Variants in NEGR1 observed in about 807,000 individuals in gnomAD.
NEGR1 encodes neuronal growth regulator 1.
In NEGR1, 10 loss-of-function variants were observed where a neutral mutation model predicts 40.9. The observed-to-expected ratio is 0.24, with a 90% CI of 0.15 to 0.42. NEGR1 has a LOEUF of 0.42. Among genes scored for constraint, NEGR1 ranks in the 10% least tolerant of loss-of-function variants. The pLI, the probability that NEGR1 is intolerant of heterozygous loss-of-function variation, is 1.00. For missense variants in NEGR1, 352 were observed against 438.9 expected (o/e 0.80, Z 1.77); for synonymous variants, 185 against 166.8 (o/e 1.11, Z -0.84).
intron 1 of NEGR1, among the ~76,000 whole-genome samples, chr1:71,950,124 C>T (rs1245663840): frequency 6.6e-6 from 1 of 151,922 alleles, no homozygotes; most frequent in Non-Finnish European, 1.5e-5. Context: ...GGGTTTTTTA[C>T]ATTTTTATTT....
chr1:72,275,471 T>C (rs1047113080), intron 1 of NEGR1, among the ~76,000 whole-genome samples: 1 of 151,948 alleles, frequency 6.6e-6, no homozygotes, highest in African/African-American at 2.4e-5. Flanking sequence ...AATAGGATAC[T>C]CCTAGGGAAA....
intron 6 of NEGR1, among the ~76,000 whole-genome samples, chr1:71,575,386 G>C (rs1022428891): frequency 9.8e-5 from 15 of 152,316 alleles, no homozygotes; most frequent in Admixed American, 8.5e-4. Flanking sequence ...ACCAACCACA[G>C]CAGTTCAGAT....
chr1:71,777,747 C>A (rs1054730927), intron 2 of NEGR1, among the ~76,000 whole-genome samples: 1 of 151,860 alleles, frequency 6.6e-6, no homozygotes, highest in Non-Finnish European at 1.5e-5. Context: ...CAAAACTCAG[C>A]CTCAAGAAAA....
chr1:72,161,872 A>T (rs968181204), intron 1 of NEGR1, among the ~76,000 whole-genome samples: 3 of 150,820 alleles, frequency 2.0e-5, no homozygotes, highest in African/African-American at 4.9e-5. Flanking sequence ...TTGTATTTTA[A>T]TGGAGATGGG....
At chr1:71,767,425 A>T (rs1656170491) in intron 3 of NEGR1, among the ~76,000 whole-genome samples, 1 of 152,134 alleles carries the variant, frequency 6.6e-6, no homozygotes, top group Non-Finnish European at 1.5e-5. Flanking sequence ...GAGAATGATG[A>T]TTTAGGGTAT....
intron 6 of NEGR1, among the ~76,000 whole-genome samples, chr1:71,535,222 C>A (rs72938087): frequency 0.04 from 6,120 of 151,586 alleles, 410 homozygotes; most frequent in African/African-American, 0.14. Flanking sequence ...TTCTATGTTC[C>A]GTAACTTGGA....
At chr1:71,483,930 A>T (rs946730086) in intron 6 of NEGR1, among the ~76,000 whole-genome samples, 4 of 151,738 alleles carry the variant, frequency 2.6e-5, no homozygotes, top group Non-Finnish European at 4.4e-5. Context: ...TTTCACCTAG[A>T]TTCCTATTCC....
chr1:72,143,930 T>TATATATAAAA (rs1553145053), intron 1 of NEGR1, among the ~76,000 whole-genome samples: 11 of 140,506 alleles, frequency 7.8e-5, no homozygotes, highest in South Asian at 2.2e-4. Context: ...TATATATATA[T>TATATATAAAA]ATATATATAT....
chr1:71,944,712 G>A (rs537001277), intron 1 of NEGR1, among the ~76,000 whole-genome samples: 33 of 152,158 alleles, frequency 2.2e-4, no homozygotes, highest in African/African-American at 7.5e-4. Flanking sequence ...CAACCCATCT[G>A]CTTATGTTGA....
Position 71,886,356 on chromosome 1 carries a change from A to G in NEGR1, c.409+48723T>C, listed in dbSNP as rs550643826. 1.2e-4 allele frequency among the ~76,000 whole-genome samples: 19 copies of G among 152,172 alleles called. No homozygotes were observed. The South Asian group carries it at 3.5e-3, about 28-fold the overall frequency. ...AAAGTTTCTATTGCATTCTTCTTCC[A>G]TAGTTTTAACCTAGGTATTCCATGA... On this transcript the variant is annotated intron_variant, in intron 2 of 6. Coordinates refer to ENST00000357731, the MANE Select transcript of NEGR1 (RefSeq NM_173808.3).
At chr1:71,697,426 G>C (rs1653514041) in intron 4 of NEGR1, among the ~76,000 whole-genome samples, 1 of 151,812 alleles carries the variant, frequency 6.6e-6, no homozygotes, top group South Asian at 2.1e-4. Flanking sequence ...TGTGGTGGGA[G>C]CATTGAGGAA....
intron 1 of NEGR1, among the ~76,000 whole-genome samples, chr1:72,092,285 C>A (rs928621681): frequency 1.3e-5 from 2 of 152,156 alleles, no homozygotes; most frequent in South Asian, 4.2e-4. Flanking sequence ...CAATCCTTGG[C>A]AAAGTTTAAT....
chr1:71,877,633 G>A (rs1262353268), intron 2 of NEGR1, among the ~76,000 whole-genome samples: 2 of 152,088 alleles, frequency 1.3e-5, no homozygotes, highest in Non-Finnish European at 2.9e-5. Context: ...GGACTTTAAC[G>A]TATGAATTTT....
At chr1:71,803,137 A>G (rs1657621183) in intron 2 of NEGR1, among the ~76,000 whole-genome samples, 1 of 152,066 alleles carries the variant, frequency 6.6e-6, no homozygotes, top group African/African-American at 2.4e-5. Context: ...GGAGGTAACT[A>G]ACGTTAAATG....
chr1:71,955,497 G>C (rs192820058), intron 1 of NEGR1, among the ~76,000 whole-genome samples: 1 of 152,180 alleles, frequency 6.6e-6, no homozygotes, highest in Admixed American at 6.6e-5. Flanking sequence ...GTGAAGCAGG[G>C]CTCCCTGAAG....
chr1:71,608,553 G>GA (rs1364884020), intron 5 of NEGR1, among the ~76,000 whole-genome samples: 32 of 137,302 alleles, frequency 2.3e-4, no homozygotes, highest in Non-Finnish European at 3.3e-4. Flanking sequence ...AGAGAGAGCA[G>GA]AAAAAAAAAA....
chr1:71,438,491 GA>G (rs1646525185), intron 6 of NEGR1, among the ~76,000 whole-genome samples: 1 of 152,164 alleles, frequency 6.6e-6, no homozygotes. Flanking sequence ...CCACTGAAAA[GA>G]GGAATGAAGA....
At chr1:71,597,967 T>C (rs939944198) in intron 5 of NEGR1, among the ~76,000 whole-genome samples, 1 of 152,080 alleles carries the variant, frequency 6.6e-6, no homozygotes, top group Non-Finnish European at 1.5e-5. Context: ...GTTACGAGTG[T>C]GAAAAATCGA....
chr1:71,928,435 T>TGTGTATGTATATATAC (rs1557439281), intron 2 of NEGR1, among the ~76,000 whole-genome samples: 5,308 of 79,134 alleles, frequency 0.067, 723 homozygotes, highest in East Asian at 0.31. Flanking sequence ...TATGTATATA[T>TGTGTATGTATATATAC]ACACATATAT....
Sources: allele counts gnomAD v4.1 joint callset (sites outside exome capture counted in the v4.1 genomes callset), GRCh38; gene constraint gnomAD v4.1.1; transcripts MANE v1.5; gene names NCBI Gene and HGNC (gene_info 2026-07-23, HGNC 2026-07-21).